TTC39A: variants seen among roughly 807,000 people sequenced by gnomAD.
TTC39A encodes tetratricopeptide repeat domain 39A.
In TTC39A, 46 loss-of-function variants were observed where a neutral mutation model predicts 82.3. The observed-to-expected ratio is 0.56, with a 90% CI of 0.44 to 0.71. The LOEUF (loss-of-function observed/expected upper bound fraction) is 0.71. Ranked by LOEUF, TTC39A falls within the 30% of genes least tolerant of loss-of-function variation. The pLI, the probability that TTC39A is intolerant of heterozygous loss-of-function variation, is 0.00. For missense variants in TTC39A, 543 were observed against 712.9 expected, an observed-to-expected ratio of 0.76 and a Z score of 2.71; for synonymous variants, 254 against 275.2, an observed-to-expected ratio of 0.92 and a Z score of 0.76.
intron 1 of TTC39A, among the ~76,000 whole-genome samples, chr1:51,342,073 G>A (rs546704837): frequency 6.6e-6 from 1 of 152,272 alleles, no homozygotes; most frequent in South Asian, 2.1e-4. Flanking sequence ...CTGCCCATCT[G>A]CACATCCCCT....
In TTC39A at chr1:51,288,269, T is replaced by C; in HGVS notation, c.1622A>G (p.Lys541Arg). 1 of 1,613,994 alleles carries C rather than the reference T, an allele frequency of 6.2e-7. No homozygotes were observed. The highest frequency in any genetic ancestry group is 2.2e-5 in the East Asian group (1 of 44,888). Residue 541 changes from lysine (K) to arginine (R), a missense_variant, in exon 18 of 18, where the codon AAG becomes AGG. By Grantham distance (26) the Lys-to-Arg change is conservative. Coordinates refer to ENST00000680483, the MANE Select transcript of TTC39A (RefSeq NM_001297663.2). This position sits in a 1 kb window ranked among gnomAD's most constrained non-coding sequence, Gnocchi z 4.8. The part of the protein sequence containing the change: ...KLLESAKQNY[K>R]NYSMESRTHF... ...TGTCCTTGACTCCATGGAGTAATTC[T>C]TGTAGTTTTGCCTGGAATTGAGCAG...
chr1:51,322,107 A>G (rs2148281761), intron 1 of TTC39A: 1 of 1,552,416 alleles, frequency 6.4e-7, no homozygotes, highest in African/African-American at 1.4e-5. Context: ...CTCAGGAATC[A>G]ATGATCTTAC....
At chr1:51,291,344 AGCCG>A (rs1644207424) in intron 14 of TTC39A, among the ~76,000 whole-genome samples, 1 of 151,976 alleles carries the variant, frequency 6.6e-6, no homozygotes, top group Non-Finnish European at 1.5e-5. Flanking sequence ...TACAAAAATT[AGCCG>A]GGTGTGGTGG....
intron 2 of TTC39A, among the ~76,000 whole-genome samples, chr1:51,318,742 T>A (rs564756189): frequency 2.2e-4 from 33 of 152,246 alleles, no homozygotes; most frequent in African/African-American, 7.5e-4. Context: ...CCGCCAGGGC[T>A]CTCTGTCCAG....
chr1:51,342,864 C>T, intron 1 of TTC39A: 1 of 356,440 alleles, frequency 2.8e-6, no homozygotes. Flanking sequence ...TGTCCATTCA[C>T]TGCTTCTCAT....
At chr1:51,320,871 GTTT>G (rs770160259) in intron 2 of TTC39A, among the ~76,000 whole-genome samples, 2 of 126,736 alleles carry the variant, frequency 1.6e-5, no homozygotes. Context: ...ATGTTTTCTG[GTTT>G]TTTTTTTTTT....
chr1:51,304,318 A>G (rs1407975713), intron 8 of TTC39A, among the ~76,000 whole-genome samples: 1 of 152,246 alleles, frequency 6.6e-6, no homozygotes, highest in Non-Finnish European at 1.5e-5. Context: ...AAAGTAATAT[A>G]TAAATTATAA....
At chr1:51,301,846 C>T (rs1404494820) in intron 11 of TTC39A, 113 bp from the exon 12 acceptor site, 91 of 1,455,954 alleles carry the variant, frequency 6.3e-5, no homozygotes, top group Non-Finnish European at 7.7e-5. Context: ...GCATAGTGGT[C>T]CAGCCCTGTG....
At chr1:51,333,220 CAAA>C (rs748559262), upstream of TTC39A, among the ~76,000 whole-genome samples, 35 of 80,282 alleles carry the variant, frequency 4.4e-4, no homozygotes, top group African/African-American at 1.6e-3. Flanking sequence ...TCGCCCCCAC[CAAA>C]AAAAAAAAAA....
intron 15 of TTC39A, 148 bp from the exon 16 acceptor site, chr1:51,290,267 A>G (rs528205306): frequency 1.0e-5 from 8 of 789,910 alleles, no homozygotes; most frequent in Non-Finnish European, 1.2e-5. Flanking sequence ...CTAAGAAGGA[A>G]AGGCAAATAC....
At chr1:51,296,641 G>T in intron 12 of TTC39A, 1 of 212,652 alleles carries the variant, frequency 4.7e-6, no homozygotes, top group Non-Finnish European at 9.7e-6. Context: ...AAAAGAAGAG[G>T]CTTGAGCCAG....
intron 2 of TTC39A, among the ~76,000 whole-genome samples, chr1:51,320,873 T>G (rs1257997601): frequency 6.9e-6 from 1 of 145,120 alleles, no homozygotes. Context: ...GTTTTCTGGT[T>G]TTTTTTTTTT....
In TTC39A at chr1:51,301,732, G is replaced by C. The variant is rs1235951799; in HGVS notation, c.893C>G (p.Ala298Gly). The change falls in exon 12 of 18, where the codon GCC (alanine) becomes GGC (glycine). Residue 298 changes from alanine (A) to glycine (G), a missense_variant and splice_region_variant. Transcript: ENST00000680483. ...ACAGCACTCCTCGAAACGCCGGATG[G>C]CCTGCAGGCACCTTCTGGTCAGCCT... ...IEVIKGNIDA[A>G]IRRFEECCEA... The C allele has an allele frequency of 3.1e-6, 5 of 1,602,646 alleles. No individual in the cohort carries two copies. Among genetic ancestry groups the C allele is most frequent in the Non-Finnish European group, 4.3e-6 (5 of 1,172,214 alleles).
intron 14 of TTC39A, among the ~76,000 whole-genome samples, chr1:51,290,919 G>A (rs1185457585): frequency 6.6e-6 from 1 of 152,160 alleles, no homozygotes; most frequent in African/African-American, 2.4e-5. Flanking sequence ...TCCTGCTCAT[G>A]CCCTCCCTGA....
intron 14 of TTC39A, among the ~76,000 whole-genome samples, chr1:51,291,382 T>C (rs1247550300): frequency 2.0e-5 from 3 of 151,166 alleles, no homozygotes; most frequent in Admixed American, 2.0e-4. Flanking sequence ...TTCCAGCTAC[T>C]CGGGAGGCTG....
intron 12 of TTC39A, chr1:51,300,843 C>G (rs1480226538): frequency 6.6e-6 from 1 of 152,230 alleles, no homozygotes. Context: ...CCCTCTGTTC[C>G]AGGCATTGGC....
intron 14 of TTC39A, among the ~76,000 whole-genome samples, chr1:51,291,761 A>AC (rs1644231641): frequency 6.8e-6 from 1 of 146,100 alleles, no homozygotes; most frequent in South Asian, 2.2e-4. Flanking sequence ...AGCTATGATC[A>AC]CCCCACTGCA....
chr1:51,333,135 C>A (rs375004879), upstream of TTC39A, among the ~76,000 whole-genome samples: 2 of 151,200 alleles, frequency 1.3e-5, no homozygotes, highest in Admixed American at 6.6e-5. Flanking sequence ...TCGCTTGAAC[C>A]CGGAAGGCGA....
rs1459806569 is a variant in TTC39A, at chr1:51,330,082, G to A, written c.41+355C>T. The A allele has an allele frequency of 6.3e-6, 6 of 951,650 alleles. No individual in the cohort carries two copies. The highest frequency in any genetic ancestry group is 7.5e-6 in the Non-Finnish European group (6 of 799,236). The allele number at this position is 951,650 out of a possible 1,614,324, so 59.0% of individuals were successfully genotyped here. On this transcript the variant is annotated intron_variant, in intron 1 of 17. Coordinates refer to ENST00000680483, the MANE Select transcript of TTC39A (RefSeq NM_001297663.2). The surrounding 1 kb of genome is among the most constrained non-coding windows in gnomAD (Gnocchi z 4.5). ...CAAGTCACTTAAGTGCTGTGTCTCA[G>A]TTTCCTCATCTGTAATGGGGATGAG...
Sources: gnomAD v4.1 joint callset for allele counts (sites outside exome capture counted in the v4.1 genomes callset) on GRCh38, gnomAD v4.1.1 for gene constraint, Gnocchi (gnomAD v3.1) non-coding constraint, MANE v1.5 for transcripts, NCBI Gene and HGNC (gene_info 2026-07-23, HGNC 2026-07-21) for gene names.